The following BCAT1 variants were observed in gnomAD, a reference collection of about 807,000 sequenced individuals.
BCAT1 encodes the protein branched-chain-amino-acid aminotransferase, cytosolic.
A neutral mutation model predicts 52.4 loss-of-function variants in BCAT1; 48 were observed. The observed-to-expected ratio is 0.92, with a 90% CI of 0.73 to 1.16. BCAT1 has a LOEUF of 1.16. Ranked by LOEUF, BCAT1 falls within the 50% of genes most tolerant of loss-of-function variation. BCAT1 has a pLI of 0.00. For missense variants in BCAT1, 451 were observed against 457.1 expected, an observed-to-expected ratio of 0.99 and a Z score of 0.12; for synonymous variants, 167 against 161.3, an observed-to-expected ratio of 1.04 and a Z score of -0.27.
chr12:24,882,382 T>C (rs1942529247), intron 3 of BCAT1, among the ~76,000 whole-genome samples: 1 of 151,862 alleles, frequency 6.6e-6, no homozygotes, highest in African/African-American at 2.4e-5. Flanking sequence ...CCCTAAAAAC[T>C]TACATGGGAA....
At chr12:24,902,154 A>T (rs1943123939) in intron 1 of BCAT1, 2 of 1,439,524 alleles carry the variant, frequency 1.4e-6, no homozygotes, top group African/African-American at 2.9e-5. Context: ...ATTCCAGGTC[A>T]GCCCTACAGA....
At chr12:24,836,953 AGAAAAGAG>A (rs745666355) in intron 7 of BCAT1, among the ~76,000 whole-genome samples, 4,280 of 109,858 alleles carry the variant, frequency 0.039, 259 homozygotes, top group Non-Finnish European at 0.063. Context: ...AAAGAAAGAA[AGAAAAGAG>A]AAAGAAAGAA....
At chr12:24,820,468 A>T (rs1364751117) in intron 10 of BCAT1, among the ~76,000 whole-genome samples, 2 of 152,174 alleles carry the variant, frequency 1.3e-5, no homozygotes, top group Non-Finnish European at 1.5e-5. Context: ...GTATACATAG[A>T]GGGAGGGAAA....
At chr12:24,925,459 TATAG>T (rs1257952482) in intron 1 of BCAT1, among the ~76,000 whole-genome samples, 1 of 152,152 alleles carries the variant, frequency 6.6e-6, no homozygotes, top group Non-Finnish European at 1.5e-5. Flanking sequence ...TAGATATAGA[TATAG>T]ATAAAGATAT....
intron 10 of BCAT1, among the ~76,000 whole-genome samples, chr12:24,827,035 G>T (rs544551497): frequency 7.9e-5 from 12 of 152,138 alleles, no homozygotes; most frequent in African/African-American, 1.2e-4. Flanking sequence ...CAGGTTTTTT[G>T]AGGGAGTCTT....
In BCAT1 at chr12:24,923,705, C is replaced by T. The variant is rs542814247; in HGVS notation, c.7-21820G>A. 9.8e-5 allele frequency among the ~76,000 whole-genome samples: 15 copies of T among 152,292 alleles called. No individual in the cohort carries two copies. In the South Asian group the frequency reaches 2.7e-3, roughly 27 times the overall value. Reference sequence around the variant, plus strand: ...AATTACAGGCATAAGCCACCATGCCCGGCCTTCAAGTATATTTCTTATGCT... The same window carrying T: ...AATTACAGGCATAAGCCACCATGCCTGGCCTTCAAGTATATTTCTTATGCT... On this transcript the variant is annotated intron_variant, in intron 1 of 10. Transcript: ENST00000261192.
intron 9 of BCAT1, among the ~76,000 whole-genome samples, chr12:24,832,217 C>T (rs1364971200): frequency 6.6e-6 from 1 of 152,140 alleles, no homozygotes; most frequent in Non-Finnish European, 1.5e-5. Context: ...AGAAGACTGT[C>T]GGCATAGCTC....
At chr12:24,947,891 G>C (rs1467917950) in intron 1 of BCAT1, among the ~76,000 whole-genome samples, 2 of 152,218 alleles carry the variant, frequency 1.3e-5, no homozygotes, top group Non-Finnish European at 2.9e-5. Context: ...AAAGTTGTGT[G>C]ATCTCTGTTG....
At chr12:24,913,227 T>C (rs997215003) in intron 1 of BCAT1, among the ~76,000 whole-genome samples, 2 of 152,200 alleles carry the variant, frequency 1.3e-5, no homozygotes, top group African/African-American at 4.8e-5. Context: ...GTATTTACAA[T>C]TACAGATTAT....
At chr12:24,819,892 G>A (rs1048703185) in intron 10 of BCAT1, among the ~76,000 whole-genome samples, 1 of 152,166 alleles carries the variant, frequency 6.6e-6, no homozygotes, top group African/African-American at 2.4e-5. Context: ...GATGAATGCT[G>A]GATGAAACAT....
intron 1 of BCAT1, chr12:24,945,565 G>A (rs1006936103): frequency 2.6e-5 from 4 of 152,212 alleles, no homozygotes; most frequent in African/African-American, 9.6e-5. Flanking sequence ...AAGAATGATA[G>A]CACATGCCTG....
chr12:24,866,892 G>A (rs940486134), intron 5 of BCAT1, among the ~76,000 whole-genome samples: 4 of 152,034 alleles, frequency 2.6e-5, no homozygotes, highest in Non-Finnish European at 5.9e-5. Context: ...AGCCAGCAGT[G>A]GCAACCTGCT....
intron 4 of BCAT1, among the ~76,000 whole-genome samples, chr12:24,879,618 G>A (rs1018746021): frequency 2.6e-5 from 4 of 152,188 alleles, no homozygotes; most frequent in Non-Finnish European, 5.9e-5. Flanking sequence ...AATCATATAG[G>A]TGAACCCTGT....
intron 5 of BCAT1, among the ~76,000 whole-genome samples, chr12:24,862,045 T>C (rs2353472): frequency 0.043 from 6,491 of 152,328 alleles, 444 homozygotes; most frequent in African/African-American, 0.15. Context: ...CCCTCAGTTC[T>C]GGGAATTCCC....
In BCAT1 at chr12:24,875,248, C is replaced by T. The variant is rs368675423; in HGVS notation, c.510+3282G>A. 5.5e-4 allele frequency among the ~76,000 whole-genome samples: 83 copies of T among 152,270 alleles called. No homozygotes were observed. The South Asian group carries it at 6.8e-3, about 13-fold the overall frequency. On this transcript the variant is annotated intron_variant, in intron 5 of 10. Transcript: ENST00000261192. ...GAATGATCATTACCAACATGAATTGCGTAACATCTGTAGGGGGCAGATCTA... is the reference window on the plus strand; with the variant it reads ...GAATGATCATTACCAACATGAATTGTGTAACATCTGTAGGGGGCAGATCTA...
chr12:24,829,309 G>C (rs766421028), intron 10 of BCAT1, among the ~76,000 whole-genome samples: 21 of 151,982 alleles, frequency 1.4e-4, no homozygotes, highest in Non-Finnish European at 2.8e-4. Flanking sequence ...GCTTGAACCC[G>C]GGAGGCAGAG....
intron 2 of BCAT1, among the ~76,000 whole-genome samples, chr12:24,899,456 G>A (rs1943036689): frequency 6.6e-6 from 1 of 151,462 alleles, no homozygotes; most frequent in South Asian, 2.1e-4. Context: ...TTTATCTACT[G>A]TGGAAAATGG....
Position 24,841,194 on chromosome 12 carries a change from G to T in BCAT1, c.817+888C>A, listed in dbSNP as rs185038479. Among the ~76,000 whole-genome samples, 668 of 152,242 alleles carry T rather than the reference G, an allele frequency of 4.4e-3. 4 individuals are homozygous for T. Among genetic ancestry groups the T allele is most frequent in the Non-Finnish European group, 7.1e-3 (482 of 68,022 alleles). ...AACCAGGATCTAGTTACAATCCCAA[G>T]ATACATTGATTTATCTTTTAAAATG... On this transcript the variant is annotated intron_variant, in intron 7 of 10. Coordinates refer to ENST00000261192, the MANE Select transcript of BCAT1 (RefSeq NM_005504.7).
intron 3 of BCAT1, among the ~76,000 whole-genome samples, chr12:24,882,932 C>T (rs1387756863): frequency 6.6e-6 from 1 of 152,032 alleles, no homozygotes; most frequent in African/African-American, 2.4e-5. Flanking sequence ...AACTGGCAAG[C>T]TTCCATTACT....
Sources: gnomAD v4.1 joint callset for allele counts (sites outside exome capture counted in the v4.1 genomes callset) on GRCh38, gnomAD v4.1.1 for gene constraint, MANE v1.5 for transcripts, NCBI Gene and HGNC (gene_info 2026-07-23, HGNC 2026-07-21) for gene names.